The following UNC5A variants were observed in gnomAD, a reference collection of about 807,000 sequenced individuals.
UNC5A encodes the protein unc-5 netrin receptor A, also known as netrin receptor UNC5A.
UNC5A carries 20 observed loss-of-function variants against 87.4 expected under a neutral mutation model. That is an observed-to-expected ratio of 0.23 (90% confidence interval 0.16 to 0.33). UNC5A has a LOEUF of 0.33. UNC5A is among the 10% of genes least tolerant of loss of function. The probability of loss-of-function intolerance (pLI) is 1.00; values close to 1 mark genes in which losing one functional copy is unlikely to be tolerated. For synonymous variants in UNC5A, 438 were observed against 482.3 expected (o/e 0.91, Z 1.20); for missense variants, 844 against 1,133.4 (o/e 0.74, Z 3.67).
intron 1 of UNC5A, among the ~76,000 whole-genome samples, chr5:176,835,608 C>A (rs1757133376): frequency 6.6e-6 from 1 of 152,178 alleles, no homozygotes; most frequent in Non-Finnish European, 1.5e-5. Context: ...GCTCCAAATC[C>A]CTCCCCAGCG....
chr5:176,851,867 T>G (rs1381371944), intron 1 of UNC5A, among the ~76,000 whole-genome samples: 1 of 152,130 alleles, frequency 6.6e-6, no homozygotes, highest in Non-Finnish European at 1.5e-5. Flanking sequence ...CGGATGGAAA[T>G]GGGGAGGGTG....
chr5:176,823,457 C>A (rs1193977171), intron 1 of UNC5A, among the ~76,000 whole-genome samples: 3 of 152,138 alleles, frequency 2.0e-5, no homozygotes, highest in Non-Finnish European at 4.4e-5. Context: ...AGACTTAAAG[C>A]CAGCCGTGGC....
chr5:176,860,571 C>T (rs373141068), intron 1 of UNC5A, among the ~76,000 whole-genome samples: 1 of 152,136 alleles, frequency 6.6e-6, no homozygotes, highest in Non-Finnish European at 1.5e-5. Context: ...ACTTGATGAG[C>T]CCAGTGTCTC....
intron 1 of UNC5A, among the ~76,000 whole-genome samples, chr5:176,842,250 G>A (rs1004251027): frequency 3.9e-5 from 6 of 152,162 alleles, no homozygotes; most frequent in African/African-American, 1.4e-4. Context: ...TGGTGATCAG[G>A]GAACACTTCT....
rs375911659 is a variant in UNC5A at position 176,828,764 on chromosome 5, C to T, written c.70+17944C>T. ...CTATGGCCTGCTCATGCTCACTGCT[C>T]GTTCATGGATGGATGGATGGGTGAT... On this transcript the variant is annotated intron_variant, in intron 1 of 14. Coordinates refer to ENST00000329542, the MANE Select transcript of UNC5A (RefSeq NM_133369.3). Among the ~76,000 whole-genome samples, 6 of 152,010 alleles carry T rather than the reference C, an allele frequency of 3.9e-5. No individual in the cohort carries two copies. In the East Asian group the frequency reaches 7.7e-4, roughly 20 times the overall value.
chr5:176,876,689 G>A (rs1466439730), intron 8 of UNC5A, among the ~76,000 whole-genome samples: 1 of 152,164 alleles, frequency 6.6e-6, no homozygotes. Context: ...AGTAGAAGGA[G>A]CAAGGGAGAG....
At chr5:176,839,596 T>A (rs1757223222) in intron 1 of UNC5A, among the ~76,000 whole-genome samples, 1 of 152,182 alleles carries the variant, frequency 6.6e-6, no homozygotes, top group Admixed American at 6.5e-5. Context: ...GGGTTGGACT[T>A]CCCTGGTTTG....
Position 176,824,139 on chromosome 5 carries a change from C to G in UNC5A, c.70+13319C>G, listed in dbSNP as rs532605574. ...CTTCTCCCGCCTGGAGGCGGAGGTG[C>G]GGCCCCGATGCCTCCCGGGTTGGAG... On this transcript the variant is annotated intron_variant, in intron 1 of 14. Coordinates refer to ENST00000329542, the MANE Select transcript of UNC5A (RefSeq NM_133369.3). This position sits in a 1 kb window ranked among gnomAD's most constrained non-coding sequence, Gnocchi z 4.2. Among the ~76,000 whole-genome samples the G allele has an allele frequency of 9.2e-4, 140 of 152,338 alleles. No individual in the cohort carries two copies. The highest frequency in any genetic ancestry group is 3.2e-3 in the African/African-American group (132 of 41,580).
At chr5:176,834,282 G>T (rs1335323711) in intron 1 of UNC5A, among the ~76,000 whole-genome samples, 1 of 152,218 alleles carries the variant, frequency 6.6e-6, no homozygotes, top group African/African-American at 2.4e-5. Context: ...CTGCACAGGA[G>T]AAGTGGCTCC....
intron 1 of UNC5A, among the ~76,000 whole-genome samples, chr5:176,854,138 C>T (rs1417430221): frequency 6.6e-6 from 1 of 152,130 alleles, no homozygotes; most frequent in East Asian, 1.9e-4. Flanking sequence ...TACCTCCAGG[C>T]AGGTTCATAC....
chr5:176,866,879 G>C lies in UNC5A; in HGVS notation c.293-1251G>C, dbSNP rs1250840430. Among the ~76,000 whole-genome samples, 1 of 152,170 alleles carries C rather than the reference G, an allele frequency of 6.6e-6. No homozygotes were observed. Among genetic ancestry groups the C allele is most frequent in the Non-Finnish European group, 1.5e-5 (1 of 68,036 alleles). ...CGGCCCAGCTACCATGATCTCACCA[G>C]AGGTGACAGCTCTGCCATCTCCTAT... On this transcript the variant is annotated intron_variant, in intron 2 of 14. Coordinates refer to ENST00000329542, the MANE Select transcript of UNC5A (RefSeq NM_133369.3). This position sits in a 1 kb window ranked among gnomAD's most constrained non-coding sequence, Gnocchi z 5.0.
At chr5:176,820,722 C>T (rs1461157927) in intron 1 of UNC5A, among the ~76,000 whole-genome samples, 4 of 152,210 alleles carry the variant, frequency 2.6e-5, no homozygotes, top group African/African-American at 9.7e-5. Flanking sequence ...CTGGAGTTTG[C>T]ATAAGGCTCA....
Position 176,879,310 on chromosome 5 carries a change from G to A in UNC5A, c.2185G>A (p.Asp729Asn), listed in dbSNP as rs1158622068. The change falls in exon 14 of 15, where the codon GAC (aspartate) becomes AAC (asparagine). Residue 729 changes from aspartate to asparagine, a missense_variant and splice_region_variant. Around this residue, in one of 3 missense-constraint regions of UNC5A, gnomAD observed 177 missense variants for 279.4 expected, o/e 0.63. Transcript: ENST00000329542. ...SFSINFNITK[D>N]TRFAELLALE... Reference sequence around the variant, plus strand: ...GCACCTCTTTCCCTCCCACCTCCAGGACACAAGGTTTGCTGAGCTGCTGGC... The same window carrying A: ...GCACCTCTTTCCCTCCCACCTCCAGAACACAAGGTTTGCTGAGCTGCTGGC... 1 of 1,595,430 alleles carries A rather than the reference G, an allele frequency of 6.3e-7. No homozygotes were observed. Among genetic ancestry groups the A allele is most frequent in the South Asian group, 1.1e-5 (1 of 88,810 alleles).
chr5:176,828,910 C>T (rs1375528935), intron 1 of UNC5A, among the ~76,000 whole-genome samples: 1 of 151,730 alleles, frequency 6.6e-6, no homozygotes, highest in East Asian at 2.0e-4. Flanking sequence ...GTGGGCGGAC[C>T]ACAAGGTCAA....
At chr5:176,823,823 C>T (rs536253547) in intron 1 of UNC5A, among the ~76,000 whole-genome samples, 1 of 152,264 alleles carries the variant, frequency 6.6e-6, no homozygotes, top group East Asian at 1.9e-4. Context: ...GTTTCTTACC[C>T]TTTGAGAACT....
At chr5:176,835,150 C>T (rs1051820329) in intron 1 of UNC5A, among the ~76,000 whole-genome samples, 4 of 152,270 alleles carry the variant, frequency 2.6e-5, no homozygotes, top group African/African-American at 7.2e-5. Context: ...CATGTGTTCT[C>T]ACATCCCATC....
intron 11 of UNC5A, 24 bp downstream of exon 11, chr5:176,878,151 G>A (rs763528964): frequency 4.3e-5 from 69 of 1,603,896 alleles, no homozygotes; most frequent in Admixed American, 3.2e-4. Context: ...CTCACCCCCC[G>A]CCGCTGGGAG....
chr5:176,827,853 G>C (rs1055441689), intron 1 of UNC5A, among the ~76,000 whole-genome samples: 2 of 152,180 alleles, frequency 1.3e-5, no homozygotes. Flanking sequence ...ATGTCTTGGT[G>C]CTCCTGCTTT....
chr5:176,839,982 G>A (rs1458117108), intron 1 of UNC5A, among the ~76,000 whole-genome samples: 1 of 151,976 alleles, frequency 6.6e-6, no homozygotes, highest in Non-Finnish European at 1.5e-5. Context: ...AGCCTCCTGA[G>A]TAGCTGGGAC....
Sources: gnomAD v4.1 joint callset for allele counts (sites outside exome capture counted in the v4.1 genomes callset) on GRCh38, gnomAD v4.1.1 for gene constraint, gnomAD v4.1.1 regional missense constraint, Gnocchi (gnomAD v3.1) non-coding constraint, MANE v1.5 for transcripts, NCBI Gene and HGNC (gene_info 2026-07-23, HGNC 2026-07-21) for gene names.